The following GPHN variants were observed in gnomAD, a reference collection of about 807,000 sequenced individuals.
GPHN encodes the protein gephyrin.
Under a neutral mutation model 95.5 loss-of-function variants are expected in GPHN, and 17 were observed. The ratio of observed to expected loss-of-function variants is 0.18; its 90% CI spans 0.12 to 0.27. The LOEUF (loss-of-function observed/expected upper bound fraction) is 0.27. Ranked by LOEUF, GPHN falls within the 10% of genes least tolerant of loss-of-function variation. GPHN has a pLI of 1.00. For synonymous variants in GPHN, 320 were observed against 322.5 expected, an observed-to-expected ratio of 0.99 and a Z score of 0.08; for missense variants, 660 against 978.1, an observed-to-expected ratio of 0.67 and a Z score of 4.34.
chr14:67,541,250 G>A, the GPHN span, among the ~76,000 whole-genome samples: 3 of 152,150 alleles, frequency 2.0e-5, no homozygotes, highest in Admixed American at 6.5e-5. Context: ...ACTGGGAACC[G>A]GGGTTCTGCC....
At chr14:66,923,545 C>T (rs2066327989) in intron 7 of GPHN, among the ~76,000 whole-genome samples, 1 of 152,082 alleles carries the variant, frequency 6.6e-6, no homozygotes, top group Non-Finnish European at 1.5e-5. Flanking sequence ...CTTTGGGCAA[C>T]TCCATGGGTA....
Position 66,508,380 on chromosome 14 carries a change from C to G in GPHN, c.-148C>G. 1.3e-6 allele frequency: 1 copy of G among 774,724 alleles called. No individual in the cohort carries two copies. The highest frequency in any genetic ancestry group is 2.5e-5 in the East Asian group (1 of 39,616). The allele number at this position is 774,724 out of a possible 1,614,324, so 48.0% of individuals were successfully genotyped here. On this transcript the variant is annotated 5_prime_UTR_variant, in exon 1 of 23. Transcript: ENST00000478722. ...TCCCCCACGCAGGCCACCGTGCACT[C>G]TGTGGCCTCCCCCTCCTTCCCCGCT...
At chr14:66,626,249 A>G (rs967899532) in intron 1 of GPHN, among the ~76,000 whole-genome samples, 5 of 152,210 alleles carry the variant, frequency 3.3e-5, no homozygotes, top group African/African-American at 1.2e-4. Context: ...AGGAAAAGTA[A>G]ATGGAGCCTA....
chr14:67,057,300 G>A (rs1355788688), intron 10 of GPHN, among the ~76,000 whole-genome samples: 1 of 152,150 alleles, frequency 6.6e-6, no homozygotes, highest in Non-Finnish European at 1.5e-5. Context: ...GGGACAGGGA[G>A]GGAGCTGGAA....
chr14:66,932,145 T>G (rs573704872), intron 8 of GPHN, among the ~76,000 whole-genome samples: 92 of 152,310 alleles, frequency 6.0e-4, no homozygotes, highest in African/African-American at 2.1e-3. Context: ...GCCGTGGTGG[T>G]CTTAAATAAG....
the GPHN span, among the ~76,000 whole-genome samples, chr14:67,247,210 T>C: frequency 6.6e-6 from 1 of 152,246 alleles, no homozygotes. Context: ...GTGAGTATTG[T>C]AGTTTTCAAT....
At chr14:67,226,058 G>A in the GPHN span, among the ~76,000 whole-genome samples, 17 of 152,154 alleles carry the variant, frequency 1.1e-4, no homozygotes, top group African/African-American at 3.9e-4. Flanking sequence ...GGCCTGGGCA[G>A]TAACCCCTTG....
chr14:67,303,626 T>G, the GPHN span: 3 of 1,553,372 alleles, frequency 1.9e-6, no homozygotes, highest in Non-Finnish European at 2.7e-6. Flanking sequence ...TGTTCATTAT[T>G]TATGTGTTTG....
intron 5 of GPHN, among the ~76,000 whole-genome samples, chr14:66,890,013 C>T (rs764905498): frequency 8.5e-5 from 13 of 152,068 alleles, no homozygotes; most frequent in Non-Finnish European, 2.9e-5. Context: ...ATAACCCAGA[C>T]GAAGTGGACA....
chr14:67,279,584 T>A, the GPHN span: 3 of 1,482,596 alleles, frequency 2.0e-6, no homozygotes, highest in African/African-American at 2.8e-5. Context: ...CTTTAATTTA[T>A]CTGTGCCTTA....
intron 12 of GPHN, among the ~76,000 whole-genome samples, chr14:67,095,966 C>CAAAAAAAAAAAAAAAAAAAAAAAAAAAA: frequency 1.5e-5 from 1 of 67,086 alleles, no homozygotes; most frequent in Non-Finnish European, 3.6e-5. Flanking sequence ...AAGAAAAAGG[C>CAAAAAAAAAAAAAAAAAAAAAAAAAAAA]AAAAAAAAAA....
chr14:66,604,586 T>C (rs1273778336), intron 1 of GPHN, among the ~76,000 whole-genome samples: 1 of 152,168 alleles, frequency 6.6e-6, no homozygotes, highest in Non-Finnish European at 1.5e-5. Context: ...AAAACAGATT[T>C]TACTCTTTTC....
chr14:67,554,632 G>T, the GPHN span, among the ~76,000 whole-genome samples: 2 of 152,204 alleles, frequency 1.3e-5, no homozygotes, highest in African/African-American at 4.8e-5. Context: ...GTCCAATTGG[G>T]CAGCACACGG....
At chr14:66,722,870 A>C (rs934582113) in intron 2 of GPHN, among the ~76,000 whole-genome samples, 1 of 152,210 alleles carries the variant, frequency 6.6e-6, no homozygotes, top group African/African-American at 2.4e-5. Flanking sequence ...TGTAGTTTTA[A>C]AAAATATATT....
chr14:66,665,237 A>G lies in GPHN; in HGVS notation c.65-15870A>G, dbSNP rs2065884260. 2.6e-5 allele frequency among the ~76,000 whole-genome samples: 4 copies of G among 152,342 alleles called. 1 individual carries two copies. The highest frequency in any genetic ancestry group is 2.6e-4 in the Admixed American group (4 of 15,306). On this transcript the variant is annotated intron_variant, in intron 1 of 22. Coordinates refer to ENST00000478722, the MANE Select transcript of GPHN (RefSeq NM_020806.5). ...AATACTGATGCAAAAATCCTCTGCA[A>G]AATTCTAGCAAACTGAATCCAGCTT...
intron 1 of GPHN, among the ~76,000 whole-genome samples, chr14:66,654,721 C>A (rs2065222543): frequency 6.6e-6 from 1 of 152,080 alleles, no homozygotes; most frequent in South Asian, 2.1e-4. Context: ...TATAAAAATT[C>A]CTTGTCTAGC....
intron 10 of GPHN, among the ~76,000 whole-genome samples, chr14:67,056,669 G>A (rs1378496607): frequency 6.6e-6 from 1 of 152,222 alleles, no homozygotes; most frequent in Non-Finnish European, 1.5e-5. Flanking sequence ...GCTTCACCTA[G>A]TGGATCACAC....
chr14:67,669,116 C>T, the GPHN span, among the ~76,000 whole-genome samples: 2 of 152,220 alleles, frequency 1.3e-5, no homozygotes, highest in East Asian at 3.9e-4. Flanking sequence ...TATGATTTAT[C>T]CCCATTTGGC....
chr14:67,425,720 G>A, the GPHN span, among the ~76,000 whole-genome samples: 4 of 152,218 alleles, frequency 2.6e-5, no homozygotes, highest in East Asian at 5.8e-4. Context: ...GCCTCAGGGA[G>A]CAACAACACA....
Sources: allele counts gnomAD v4.1 joint callset (sites outside exome capture counted in the v4.1 genomes callset), GRCh38; gene constraint gnomAD v4.1.1; transcripts MANE v1.5; gene names NCBI Gene and HGNC (gene_info 2026-07-23, HGNC 2026-07-21).